The following DCP1B variants were observed in gnomAD, a reference collection of about 807,000 sequenced individuals.
DCP1B encodes the protein decapping mRNA 1B, also known as mRNA-decapping enzyme 1B.
A neutral mutation model predicts 60.5 loss-of-function variants in DCP1B; 47 were observed. That is an observed-to-expected ratio of 0.78 (90% CI 0.61 to 0.99). The LOEUF (loss-of-function observed/expected upper bound fraction) is 0.99. Ranked by LOEUF, DCP1B falls within the 50% of genes least tolerant of loss-of-function variation. The pLI is 0.00. For synonymous variants in DCP1B, 267 were observed against 280.3 expected (o/e 0.95, Z 0.47); for missense variants, 725 against 756.8 (o/e 0.96, Z 0.49).
At chr12:1,945,354 G>A (rs1373440236), downstream of DCP1B, among the ~76,000 whole-genome samples, 1 of 152,202 alleles carries the variant, frequency 6.6e-6, no homozygotes, top group East Asian at 1.9e-4. Flanking sequence ...TTCAACCATT[G>A]TGGAAGACAG....
chr12:1,967,734 G>T, intron 4 of DCP1B, 110 bp downstream of exon 4: 1 of 868,818 alleles, frequency 1.2e-6, no homozygotes, highest in East Asian at 2.7e-5. Context: ...CCAGTGAAAA[G>T]GACTGCTATG....
At chr12:1,954,314 G>A (rs1317392469) in intron 6 of DCP1B, among the ~76,000 whole-genome samples, 1 of 151,958 alleles carries the variant, frequency 6.6e-6, no homozygotes, top group Non-Finnish European at 1.5e-5. Flanking sequence ...TAAAAAATTA[G>A]AAGACTTCTT....
At chr12:1,978,186 ATAGCCTTCTCACTGATC>A in intron 3 of DCP1B, among the ~76,000 whole-genome samples, 1 of 152,352 alleles carries the variant, frequency 6.6e-6, no homozygotes, top group Non-Finnish European at 1.5e-5. Flanking sequence ...GAAAGGGGGC[ATAGCCTTCTCACTGATC>A]TGGAAACTAG....
At position 1,996,388 on chromosome 12, in the gene DCP1B, C is replaced by T. The variant is rs950400664; in HGVS notation, c.191+1547G>A. Among the ~76,000 whole-genome samples, 56 of 151,934 alleles carry T rather than the reference C, an allele frequency of 3.7e-4. 1 individual carries two copies. The highest frequency in any genetic ancestry group is 1.3e-3 in the African/African-American group (55 of 41,338). On this transcript the variant is annotated intron_variant, in intron 2 of 8. Transcript: ENST00000280665. ...CTCTGCACCACATCTCCCTCACTGT[C>T]CCTTTAACACACCAGGTTCTCCGCC...
intron 6 of DCP1B, among the ~76,000 whole-genome samples, chr12:1,954,245 A>G (rs1157364810): frequency 6.6e-6 from 1 of 152,070 alleles, no homozygotes; most frequent in Non-Finnish European, 1.5e-5. Context: ...CAACATATTC[A>G]GGTCTCGCTA....
At chr12:1,949,591 T>G (rs957929113) in intron 7 of DCP1B, among the ~76,000 whole-genome samples, 1 of 152,226 alleles carries the variant, frequency 6.6e-6, no homozygotes, top group Non-Finnish European at 1.5e-5. Flanking sequence ...GACAGCTTAT[T>G]TTTCAGGCTA....
In DCP1B at chr12:1,976,843, G is replaced by A. The variant is rs139664946; in HGVS notation, c.320-8933C>T. On this transcript the variant is annotated intron_variant, in intron 3 of 8. Coordinates refer to ENST00000280665, the MANE Select transcript of DCP1B (RefSeq NM_152640.5). ...GTCAAGCAAATATATTTGAGGAAAG[G>A]GGGAGAGGGAGGGAGGGAGGGGGAG... 2.0e-3 allele frequency among the ~76,000 whole-genome samples: 298 copies of A among 151,566 alleles called. 3 individuals are homozygous for A. In the East Asian group the frequency reaches 0.043, roughly 22 times the overall value.
chr12:1,981,638 C>T (rs1025947823), intron 3 of DCP1B, among the ~76,000 whole-genome samples: 9 of 152,244 alleles, frequency 5.9e-5, no homozygotes, highest in African/African-American at 1.4e-4. Context: ...ATAGCTTATT[C>T]GTTACTGCCA....
In DCP1B at chr12:2,004,445, C is replaced by T; in HGVS notation, c.-14G>A. ...CACGGCTGCCATCTTCCCTCCCTCCCAGACATAGGCACGGGGCTCTTGGAA... is the reference window on the plus strand; with the variant it reads ...CACGGCTGCCATCTTCCCTCCCTCCTAGACATAGGCACGGGGCTCTTGGAA... On this transcript the variant is annotated 5_prime_UTR_variant, in exon 1 of 9. Coordinates refer to ENST00000280665, the MANE Select transcript of DCP1B (RefSeq NM_152640.5). 1 of 1,600,932 alleles carries T rather than the reference C, an allele frequency of 6.2e-7. No homozygotes were observed. The highest frequency in any genetic ancestry group is 8.5e-7 in the Non-Finnish European group (1 of 1,173,986).
chr12:1,955,507 G>C lies in DCP1B; in HGVS notation c.576C>G (p.Asp192Glu). 1 of 1,613,940 alleles carries C rather than the reference G, an allele frequency of 6.2e-7. No homozygotes were observed. The highest frequency in any genetic ancestry group is 8.5e-7 in the Non-Finnish European group (1 of 1,179,834). ...KKITSSSAIY[D>E]NPNLIKPIPV... ...GAATTGGTTTGATGAGATTTGGATT[G>C]TCATAGATGGCAGAGGAACTGGTTA... The change falls in exon 6 of 9, where the codon GAC (aspartate) becomes GAG (glutamate). Residue 192 changes from aspartate to glutamate, a missense_variant. Asp to Glu is a conservative substitution (Grantham distance 45). Coordinates refer to ENST00000280665, the MANE Select transcript of DCP1B (RefSeq NM_152640.5).
At chr12:1,980,690 T>TTTTTTTTTTTTTTTTTGAGACGG (rs2035858215) in intron 3 of DCP1B, among the ~76,000 whole-genome samples, 1 of 147,530 alleles carries the variant, frequency 6.8e-6, no homozygotes, top group Non-Finnish European at 1.5e-5. Flanking sequence ...TAACTATTTT[T>TTTTTTTTTTTTTTTTTGAGACGG]AATAAAGAGT....
chr12:1,953,068 CA>C lies in DCP1B; in HGVS notation c.871del (p.Cys291ValfsTer92), dbSNP rs776812818. On this transcript the variant is annotated frameshift_variant, in exon 7 of 9. Transcript: ENST00000280665. LOFTEE classifies it high-confidence loss of function. ...GACCATGAGTTTCTGAATGGCTGGA[CA>C]GAGCTGCTTCTCAATGGGGGGTGAG... is the stretch of plus-strand genomic sequence containing the variant. ...RHSPPIEKQLCPAIQKLMVRS... is the reference protein window; with the variant it reads ...RHSPPIEKQLXPAIQKLMVRS... 6.2e-6 allele frequency: 10 copies of C among 1,614,012 alleles called. No individual in the cohort carries two copies. Among genetic ancestry groups the C allele is most frequent in the Non-Finnish European group, 8.5e-6 (10 of 1,180,034 alleles).
At chr12:1,949,437 G>C (rs1363775195) in intron 7 of DCP1B, 103 bp from the exon 8 acceptor site, 8 of 1,493,772 alleles carry the variant, frequency 5.4e-6, no homozygotes, top group Non-Finnish European at 7.2e-6. Context: ...CCTGTCCACA[G>C]CTTTCCTAGC....
chr12:1,963,765 G>A (rs979407122), intron 5 of DCP1B, among the ~76,000 whole-genome samples: 5 of 152,112 alleles, frequency 3.3e-5, no homozygotes, highest in Admixed American at 1.3e-4. Flanking sequence ...GTAATATTTC[G>A]AAACAACAAT....
intron 3 of DCP1B, among the ~76,000 whole-genome samples, chr12:1,975,585 A>G (rs1322632039): frequency 6.6e-6 from 1 of 152,142 alleles, no homozygotes; most frequent in African/African-American, 2.4e-5. Context: ...TTAGACTTCC[A>G]CCATGCTAAA....
intron 1 of DCP1B, among the ~76,000 whole-genome samples, chr12:1,998,406 T>C (rs2041439347): frequency 1.3e-5 from 2 of 152,184 alleles, no homozygotes. Flanking sequence ...GGGTTCATTT[T>C]CTCCTGCCAT....
In DCP1B at chr12:1,948,185, G is replaced by A. The variant is rs527325577; in HGVS notation, c.1773+901C>T. Among the ~76,000 whole-genome samples the A allele has an allele frequency of 1.3e-5, 2 of 152,350 alleles. No homozygotes were observed. The highest frequency in any genetic ancestry group is 2.1e-4 in the South Asian group (1 of 4,828). On this transcript the variant is annotated intron_variant, in intron 8 of 8. Transcript: ENST00000280665. The surrounding 1 kb of genome is among the most constrained non-coding windows in gnomAD (Gnocchi z 4.8). The stretch of plus-strand genomic sequence containing the variant: ...TGGCTACAAATGTTCCACTTTTCAA[G>A]GACTGCCGTTGATTTCTTGGGTGTG...
intron 8 of DCP1B, among the ~76,000 whole-genome samples, chr12:1,947,757 T>C (rs1178059876): frequency 6.6e-6 from 1 of 152,242 alleles, no homozygotes; most frequent in African/African-American, 2.4e-5. Flanking sequence ...CTCAATCATT[T>C]GCTGTTGACC....
At chr12:1,969,545 CTT>C (rs780218221) in intron 3 of DCP1B, among the ~76,000 whole-genome samples, 2 of 130,158 alleles carry the variant, frequency 1.5e-5, no homozygotes, top group Non-Finnish European at 3.2e-5. Flanking sequence ...GGTACACTGA[CTT>C]TTTTTTTTTT....
Sources: allele counts gnomAD v4.1 joint callset (sites outside exome capture counted in the v4.1 genomes callset), GRCh38; gene constraint gnomAD v4.1.1; non-coding constraint Gnocchi (gnomAD v3.1); transcripts MANE v1.5; gene names NCBI Gene and HGNC (gene_info 2026-07-23, HGNC 2026-07-21).